ATP1A1: variants seen among roughly 807,000 people sequenced by gnomAD.
ATP1A1 encodes the protein sodium/potassium-transporting ATPase subunit alpha-1.
A neutral mutation model predicts 114.8 loss-of-function variants in ATP1A1; 14 were observed. That is an observed-to-expected ratio of 0.12 (90% CI 0.08 to 0.19). The LOEUF is 0.19. ATP1A1 is among the 10% of genes least tolerant of loss of function. The pLI, the probability that ATP1A1 is intolerant of heterozygous loss-of-function variation, is 1.00. For missense variants in ATP1A1, 524 were observed against 1,290.7 expected (o/e 0.41, Z 9.10); for synonymous variants, 471 against 466.3 (o/e 1.01, Z -0.13).
chr1:116,394,350 T>C (rs914194813), intron 12 of ATP1A1, among the ~76,000 whole-genome samples: 4 of 152,200 alleles, frequency 2.6e-5, no homozygotes, highest in Admixed American at 2.0e-4. Context: ...ATTTATATAA[T>C]GCTTCCTATT....
chr1:116,387,399 G>A lies in ATP1A1; in HGVS notation c.295G>A (p.Gly99Arg). Residue 99 changes from glycine (G) to arginine (R), a missense_variant, in exon 4 of 23, where the codon GGG (glycine) becomes AGG (arginine). Around this residue, in one of 8 missense-constraint regions of ATP1A1, gnomAD observed 141 missense variants for 316.6 expected, o/e 0.45. Coordinates refer to ENST00000295598, the MANE Select transcript of ATP1A1 (RefSeq NM_000701.8). This position sits in a 1 kb window ranked among gnomAD's most constrained non-coding sequence, Gnocchi z 6.7. ...CAAGTTTTGTCGGCAGCTCTTTGGG[G>A]GGTTCTCAATGTTACTGTGGATTGG... ...WIKFCRQLFG[G>R]FSMLLWIGAI... 6.2e-7 allele frequency: 1 copy of A among 1,614,146 alleles called. No individual in the cohort carries two copies. The highest frequency in any genetic ancestry group is 8.5e-7 in the Non-Finnish European group (1 of 1,180,018).
Position 116,384,631 on chromosome 1 carries a change from G to A in ATP1A1, c.124-152G>A, listed in dbSNP as rs767460938. 1.5e-6 allele frequency: 1 copy of A among 647,844 alleles called. No homozygotes were observed. Among genetic ancestry groups the A allele is most frequent in the Non-Finnish European group, 2.6e-6 (1 of 388,696 alleles). The allele number at this position is 647,844 out of a possible 1,614,324, so 40.1% of individuals were successfully genotyped here. A position where few individuals can be genotyped will look rare whatever the true frequency, so the allele number is the denominator to read the frequency against. ...AACTGTGTGGTTGCAAAGCCACAAAGCGATGGTGAAAATTGTACCAACTTA... is the reference window on the plus strand; with the variant it reads ...AACTGTGTGGTTGCAAAGCCACAAAACGATGGTGAAAATTGTACCAACTTA... On this transcript the variant is annotated intron_variant, in intron 2 of 22. Transcript: ENST00000295598. The surrounding 1 kb of genome is among the most constrained non-coding windows in gnomAD (Gnocchi z 5.1).
At position 116,387,357 on chromosome 1, in the gene ATP1A1, A is replaced by G. The variant is rs1652168903; in HGVS notation, c.253A>G (p.Thr85Ala). Reference protein sequence around the residue: ...DGPNALTPPPTTPEWIKFCRQ... With the variant: ...DGPNALTPPPATPEWIKFCRQ... ...TCCCAACGCCCTCACTCCCCCTCCC[A>G]CTACTCCTGAATGGATCAAGTTTTG... Residue 85 changes from threonine (T) to alanine (A), a missense_variant, in exon 4 of 23, where the codon ACT becomes GCT. By Grantham distance (58) the Thr-to-Ala change is moderately conservative (BLOSUM62 0). Coordinates refer to ENST00000295598, the MANE Select transcript of ATP1A1 (RefSeq NM_000701.8). This position sits in a 1 kb window ranked among gnomAD's most constrained non-coding sequence, Gnocchi z 6.7. 6.2e-6 allele frequency: 10 copies of G among 1,613,942 alleles called. No individual in the cohort carries two copies. Among genetic ancestry groups the G allele is most frequent in the African/African-American group, 1.3e-5 (1 of 74,868 alleles).
chr1:116,383,780 A>G (rs1476269439), intron 1 of ATP1A1, among the ~76,000 whole-genome samples: 1 of 152,170 alleles, frequency 6.6e-6, no homozygotes, highest in Non-Finnish European at 1.5e-5. Flanking sequence ...TAGCTTCAGT[A>G]TTGTTCTTAA....
rs1311812495 is a variant in ATP1A1 at position 116,384,756 on chromosome 1, A to G, written c.124-27A>G. ...TTTTTTTATACTACACTGTTTAACT[A>G]TTTTCTTTGTTTCTGTTTTCCCTTA... On this transcript the variant is annotated intron_variant, in intron 2 of 22. Transcript: ENST00000295598. This position sits in a 1 kb window ranked among gnomAD's most constrained non-coding sequence, Gnocchi z 5.1. The G allele has an allele frequency of 5.7e-6, 9 of 1,581,326 alleles. No individual in the cohort carries two copies. Among genetic ancestry groups the G allele is most frequent in the South Asian group, 1.1e-5 (1 of 87,034 alleles).
Position 116,399,344 on chromosome 1 carries a change from A to T in ATP1A1, c.2449-76A>T. 6.5e-7 allele frequency: 1 copy of T among 1,540,638 alleles called. No homozygotes were observed. Among genetic ancestry groups the T allele is most frequent in the Non-Finnish European group, 8.7e-7 (1 of 1,143,068 alleles). Reference sequence around the variant, plus strand: ...AAGATTTTTAAATGGGAGGGCAAGAATTTTATAACAAAAGGTTCACAATAT... The same window carrying T: ...AAGATTTTTAAATGGGAGGGCAAGATTTTTATAACAAAAGGTTCACAATAT... On this transcript the variant is annotated intron_variant, in intron 17 of 22. Transcript: ENST00000295598. This position sits in a 1 kb window ranked among gnomAD's most constrained non-coding sequence, Gnocchi z 5.0.
At position 116,397,962 on chromosome 1, in the gene ATP1A1, A is replaced by C; in HGVS notation, c.2048A>C (p.Lys683Thr). 3.7e-6 allele frequency: 6 copies of C among 1,613,898 alleles called. No homozygotes were observed. Among genetic ancestry groups the C allele is most frequent in the Non-Finnish European group, 5.1e-6 (6 of 1,179,968 alleles). The change falls in exon 15 of 23, where the codon AAG (lysine) becomes ACG (threonine). Residue 683 changes from lysine (K) to threonine (T), a missense_variant. Physicochemically the swap from Lys to Thr is moderately conservative, Grantham distance 78. This residue lies in a region of ATP1A1 where 47 missense variants were observed against 79.8 expected (regional missense o/e 0.59). Transcript: ENST00000295598. This position sits in a 1 kb window ranked among gnomAD's most constrained non-coding sequence, Gnocchi z 4.2. Reference sequence around the variant, plus strand: ...TCCGAGCAGCTGGATGACATTTTGAAGTACCACACTGAGATAGTGTTTGCC... The same window carrying C: ...TCCGAGCAGCTGGATGACATTTTGACGTACCACACTGAGATAGTGTTTGCC... The part of the protein sequence containing the change: ...MTSEQLDDIL[K>T]YHTEIVFART...
At chr1:116,378,516 T>A (rs1651516553) in intron 1 of ATP1A1, among the ~76,000 whole-genome samples, 1 of 152,224 alleles carries the variant, frequency 6.6e-6, no homozygotes, top group South Asian at 2.1e-4. Context: ...TGGGCCTTGC[T>A]GTGTAGATCG....
At position 116,390,772 on chromosome 1, in the gene ATP1A1, C is replaced by A; in HGVS notation, c.1223-10C>A. 6.2e-7 allele frequency: 1 copy of A among 1,610,318 alleles called. No individual in the cohort carries two copies. The highest frequency in any genetic ancestry group is 8.5e-7 in the Non-Finnish European group (1 of 1,176,734). On this transcript the variant is annotated splice_polypyrimidine_tract_variant and intron_variant, in intron 9 of 22. Transcript: ENST00000295598. ...ATTGTTGTTCTGTTGTGTTTTCTTG[C>A]CTCCATCAGGTGTCTCTTTTGACAA...
At position 116,389,382 on chromosome 1, in the gene ATP1A1, T is replaced by C. The variant is rs1652298001; in HGVS notation, c.755-57T>C. The C allele has an allele frequency of 1.3e-6, 2 of 1,593,430 alleles. No individual in the cohort carries two copies. The highest frequency in any genetic ancestry group is 2.2e-5 in the East Asian group (1 of 44,616). On this transcript the variant is annotated intron_variant, in intron 7 of 22. Transcript: ENST00000295598. The surrounding 1 kb of genome is among the most constrained non-coding windows in gnomAD (Gnocchi z 6.9). ...ATCCTATGTAATTGTGTAAAATCCG[T>C]GGCTTCCTTCAGGTTAGATACAATT...
In ATP1A1 at chr1:116,404,709, G is replaced by A. The variant is rs555588079; in HGVS notation, c.*265G>A. On this transcript the variant is annotated 3_prime_UTR_variant, in exon 23 of 23. Coordinates refer to ENST00000295598, the MANE Select transcript of ATP1A1 (RefSeq NM_000701.8). The surrounding 1 kb of genome is among the most constrained non-coding windows in gnomAD (Gnocchi z 4.8). ...TTGTTTTTGTAAAAAAGGAACACCC[G>A]GAAAGACTGAAAGAATACATTTTAT... 4.7e-5 allele frequency: 60 copies of A among 1,265,438 alleles called. No homozygotes were observed. Among genetic ancestry groups the A allele is most frequent in the African/African-American group, 7.8e-5 (5 of 64,118 alleles). 78.4% of individuals were successfully genotyped at this position (1,265,438 alleles called of 1,614,324 possible).
intron 21 of ATP1A1, among the ~76,000 whole-genome samples, chr1:116,402,481 C>T (rs1170815181): frequency 6.6e-6 from 1 of 152,198 alleles, no homozygotes; most frequent in Admixed American, 6.5e-5. Context: ...GCACTTCCTT[C>T]AGCTCATCTT....
chr1:116,373,884 C>G, intron 1 of ATP1A1: 2 of 1,294,958 alleles, frequency 1.5e-6, no homozygotes, highest in Non-Finnish European at 2.0e-6. Flanking sequence ...GGGGCGGCCC[C>G]GGGACTGAGC....
At chr1:116,400,759 C>T (rs1312295978) in intron 18 of ATP1A1, 102 bp from the exon 19 acceptor site, 5 of 1,384,260 alleles carry the variant, frequency 3.6e-6, no homozygotes, top group Admixed American at 1.9e-5. Flanking sequence ...GGAAACACTC[C>T]TCCATATGTG....
Position 116,397,876 on chromosome 1 carries a change from TC to T in ATP1A1, c.1974-10del. 3 of 1,585,118 alleles carry T rather than the reference TC, an allele frequency of 1.9e-6. No homozygotes were observed. Among genetic ancestry groups the T allele is most frequent in the South Asian group, 2.3e-5 (2 of 86,828 alleles). Reference sequence around the variant, plus strand: ...ATGCGTGACTTTTTTTTTTTTTTTGTCCTAATTCTAGGGATGCCAAGGCCTG... The same window carrying T: ...ATGCGTGACTTTTTTTTTTTTTTTGTCTAATTCTAGGGATGCCAAGGCCTG... On this transcript the variant is annotated splice_polypyrimidine_tract_variant and intron_variant, in intron 14 of 22. Transcript: ENST00000295598. The surrounding 1 kb of genome is among the most constrained non-coding windows in gnomAD (Gnocchi z 4.2).
Position 116,373,312 on chromosome 1 carries a change from C to A in ATP1A1, c.-200C>A. On this transcript the variant is annotated 5_prime_UTR_variant, in exon 1 of 23. Coordinates refer to ENST00000295598, the MANE Select transcript of ATP1A1 (RefSeq NM_000701.8). ...GGCGGACACGTGGCAACAGCGGTAG[C>A]AGCCCGGGCGGCGGCAGCAACAGCG... 1 of 448,578 alleles carries A rather than the reference C, an allele frequency of 2.2e-6. No homozygotes were observed. Among genetic ancestry groups the A allele is most frequent in the Non-Finnish European group, 3.8e-6 (1 of 264,170 alleles). 27.8% of individuals were successfully genotyped at this position (448,578 alleles called of 1,614,324 possible). A position where few individuals can be genotyped will look rare whatever the true frequency, so the allele number is the denominator to read the frequency against.
rs1652582520 is a variant in ATP1A1 at position 116,392,895 on chromosome 1, G to A, written c.1374G>A (p.Lys458=). The A allele has an allele frequency of 1.9e-6, 3 of 1,613,818 alleles. No individual in the cohort carries two copies. The highest frequency in any genetic ancestry group is 3.3e-5 in the Admixed American group (2 of 59,984). Residue 458 remains lysine (K), a synonymous_variant, in exon 11 of 23, where the codon AAG becomes AAA. Coordinates refer to ENST00000295598, the MANE Select transcript of ATP1A1 (RefSeq NM_000701.8). ...AGDASESALL[K]CIELCCGSVK... ...ATGCCTCTGAGTCAGCACTCTTAAA[G>A]TGCATAGAGCTGTGCTGTGGTTCCG...
chr1:116,383,405 A>G, intron 1 of ATP1A1: 1 of 960,094 alleles, frequency 1.0e-6, no homozygotes, highest in South Asian at 3.7e-5. Flanking sequence ...CAAAGAATAT[A>G]AACAGTATAA....
chr1:116,386,885 G>A (rs959618678), intron 3 of ATP1A1, among the ~76,000 whole-genome samples: 8 of 151,922 alleles, frequency 5.3e-5, no homozygotes, highest in Non-Finnish European at 5.9e-5. Flanking sequence ...TTCCCCTCCC[G>A]ACAAAATCAA....
Sources: gnomAD v4.1 joint callset for allele counts (sites outside exome capture counted in the v4.1 genomes callset) on GRCh38, gnomAD v4.1.1 for gene constraint, gnomAD v4.1.1 regional missense constraint, Gnocchi (gnomAD v3.1) non-coding constraint, MANE v1.5 for transcripts, NCBI Gene and HGNC (gene_info 2026-07-23, HGNC 2026-07-21) for gene names.